KNSTRN: variants seen among roughly 807,000 people sequenced by gnomAD.
KNSTRN encodes kinetochore localized astrin (SPAG5) binding protein, also known as small kinetochore-associated protein.
KNSTRN carries 38 observed loss-of-function variants against 44.7 expected under a neutral mutation model. The observed-to-expected ratio is 0.85, with a 90% CI of 0.66 to 1.11. The LOEUF is 1.11. Ranked by LOEUF, KNSTRN falls within the 50% of genes most tolerant of loss-of-function variation. The probability of loss-of-function intolerance (pLI) is 0.00; values close to 1 mark genes in which losing one functional copy is unlikely to be tolerated. For missense variants in KNSTRN, 406 were observed against 375.8 expected, an observed-to-expected ratio of 1.08 and a Z score of -0.66; for synonymous variants, 158 against 148.1, an observed-to-expected ratio of 1.07 and a Z score of -0.48.
At chr15:40,391,653 C>A in intron 7 of KNSTRN, 99 bp downstream of exon 7, 1 of 997,672 alleles carries the variant, frequency 1.0e-6, no homozygotes, top group Non-Finnish European at 1.5e-6. Flanking sequence ...CTCCAAGAAA[C>A]AGCCTTTGAT....
Position 40,387,155 on chromosome 15 carries a change from C to T in KNSTRN, c.438-4C>T. On this transcript the variant is annotated splice_polypyrimidine_tract_variant and splice_region_variant and intron_variant, in intron 3 of 8. Coordinates refer to ENST00000249776, the MANE Select transcript of KNSTRN (RefSeq NM_033286.4). Reference sequence around the variant, plus strand: ...GATTCATTTCTTTGTTTCTGCCCTCCTAGGCAAATGAAAGCTACTGACACT... The same window carrying T: ...GATTCATTTCTTTGTTTCTGCCCTCTTAGGCAAATGAAAGCTACTGACACT... The T allele has an allele frequency of 6.2e-7, 1 of 1,610,062 alleles. No homozygotes were observed. Among genetic ancestry groups the T allele is most frequent in the Non-Finnish European group, 8.5e-7 (1 of 1,176,458 alleles).
rs368931963 is a variant in KNSTRN at position 40,386,498 on chromosome 15, A to C, written c.437+4A>C. 5.6e-5 allele frequency: 90 copies of C among 1,613,006 alleles called. No homozygotes were observed. The highest frequency in any genetic ancestry group is 6.7e-5 in the Non-Finnish European group (79 of 1,179,676). On this transcript the variant is annotated splice_donor_region_variant and intron_variant, in intron 3 of 8. Coordinates refer to ENST00000249776, the MANE Select transcript of KNSTRN (RefSeq NM_033286.4). ...CCAAACTGAGACGAGAGAATGGGTG[A>C]GAACGGATCATTAGTATCCAGTTAG...
chr15:40,388,921 T>C (rs1468733272), intron 4 of KNSTRN, among the ~76,000 whole-genome samples: 1 of 152,156 alleles, frequency 6.6e-6, no homozygotes, highest in African/African-American at 2.4e-5. Context: ...TATTAGATGA[T>C]AAACTAACAT....
In KNSTRN at chr15:40,383,226, A is replaced by G. The variant is rs1889843977; in HGVS notation, c.210-2A>G. ...GGGTAACATTCATCCTGTACCTTCCAGGGTTCAGCCGTGCCGCCTCGTTAC... is the reference window on the plus strand; with the variant it reads ...GGGTAACATTCATCCTGTACCTTCCGGGGTTCAGCCGTGCCGCCTCGTTAC... On this transcript the variant is annotated splice_acceptor_variant, in intron 1 of 8. Coordinates refer to ENST00000249776, the MANE Select transcript of KNSTRN (RefSeq NM_033286.4). LOFTEE classifies it high-confidence loss of function. 9 of 1,613,544 alleles carry G rather than the reference A, an allele frequency of 5.6e-6. No homozygotes were observed. Among genetic ancestry groups the G allele is most frequent in the African/African-American group, 1.3e-5 (1 of 75,026 alleles).
chr15:40,387,018 C>T, intron 3 of KNSTRN, 141 bp from the exon 4 acceptor site: 1 of 701,406 alleles, frequency 1.4e-6, no homozygotes, highest in Admixed American at 2.1e-5. Context: ...TGCATAGTCT[C>T]TCAGAGCTCT....
In KNSTRN at chr15:40,383,246, CG is replaced by C; in HGVS notation, c.229del (p.Val77LeufsTer3). 6.2e-7 allele frequency: 1 copy of C among 1,614,070 alleles called. No individual in the cohort carries two copies. Among genetic ancestry groups the C allele is most frequent in the Non-Finnish European group, 8.5e-7 (1 of 1,179,926 alleles). ...CTTCCAGGGTTCAGCCGTGCCGCCT[CG>C]TTACGATGACCAGTGTGGTTAAGAC... The part of the protein sequence containing the change: ...RAPGVQPCRL[V>X]TMTSVVKTVY... On this transcript the variant is annotated frameshift_variant, in exon 2 of 9. Transcript: ENST00000249776. LOFTEE classifies it high-confidence loss of function.
Position 40,393,653 on chromosome 15 carries a change from A to G in KNSTRN, c.*56A>G. 2 of 1,501,796 alleles carry G rather than the reference A, an allele frequency of 1.3e-6. No individual in the cohort carries two copies. Among genetic ancestry groups the G allele is most frequent in the South Asian group, 1.2e-5 (1 of 83,612 alleles). The allele number at this position is 1,501,796 out of a possible 1,614,324, so 93.0% of individuals were successfully genotyped here. A position where few individuals can be genotyped will look rare whatever the true frequency, so the allele number is the denominator to read the frequency against. On this transcript the variant is annotated 3_prime_UTR_variant, in exon 9 of 9. Coordinates refer to ENST00000249776, the MANE Select transcript of KNSTRN (RefSeq NM_033286.4). ...TGGGCATAAAATCTCAGAGGAAGCT[A>G]CTTAGGACATCATCTTGGCCATGAT...
In KNSTRN at chr15:40,392,025, T is replaced by G. The variant is rs756496218; in HGVS notation, c.822+2T>G. 1.2e-6 allele frequency: 2 copies of G among 1,606,554 alleles called. No homozygotes were observed. The highest frequency in any genetic ancestry group is 4.5e-5 in the East Asian group (2 of 44,238). On this transcript the variant is annotated splice_donor_variant, in intron 8 of 8. Coordinates refer to ENST00000249776, the MANE Select transcript of KNSTRN (RefSeq NM_033286.4). LOFTEE classifies it high-confidence loss of function. ...AAAAAGCAGATGGAGGAGTTACAGG[T>G]GAGAGGCAGACATCACCCTGACCAT... is the stretch of plus-strand genomic sequence containing the variant.
intron 6 of KNSTRN, among the ~76,000 whole-genome samples, chr15:40,391,142 A>C (rs984951240): frequency 2.6e-5 from 4 of 152,172 alleles, no homozygotes; most frequent in African/African-American, 9.7e-5. Flanking sequence ...GAAAGTAATA[A>C]TTTTTTAAGG....
At chr15:40,386,565 C>A in intron 3 of KNSTRN, 71 bp downstream of exon 3, 1 of 1,544,450 alleles carries the variant, frequency 6.5e-7, no homozygotes, top group Non-Finnish European at 8.8e-7. Context: ...AATTAGAAAA[C>A]AGAGTTTTGG....
At chr15:40,392,822 G>A (rs940326213) in intron 8 of KNSTRN, among the ~76,000 whole-genome samples, 1 of 126,772 alleles carries the variant, frequency 7.9e-6, no homozygotes, top group Admixed American at 8.1e-5. Context: ...TGTTGGCCAG[G>A]CTGGTTTCGA....
At chr15:40,385,579 C>G (rs1333477059) in intron 2 of KNSTRN, among the ~76,000 whole-genome samples, 34 of 152,168 alleles carry the variant, frequency 2.2e-4, no homozygotes, top group Admixed American at 2.2e-3. Context: ...ATGCCAGATA[C>G]TTTCCTAGGT....
Position 40,393,886 on chromosome 15 carries a change from T to C in KNSTRN, c.*289T>C, listed in dbSNP as rs11541641. The stretch of plus-strand genomic sequence containing the variant: ...TGACCTTCTAGTCAACCACCTGACT[T>C]CAGCACACCATTACAATCGGGAGAC... On this transcript the variant is annotated 3_prime_UTR_variant, in exon 9 of 9. Transcript: ENST00000249776. 33,191 of 228,732 alleles carry C rather than the reference T, an allele frequency of 0.15. 2,648 individuals are homozygous for C. The highest frequency in any genetic ancestry group is 0.19 in the African/African-American group (7,962 of 42,928). 14.2% of individuals were successfully genotyped at this position (228,732 alleles called of 1,614,324 possible). A position where few individuals can be genotyped will look rare whatever the true frequency, so the allele number is the denominator to read the frequency against.
At position 40,389,585 on chromosome 15, in the gene KNSTRN, T is replaced by C. The variant is rs866681580; in HGVS notation, c.565T>C (p.Leu189=). The C allele has an allele frequency of 3.7e-6, 6 of 1,613,928 alleles. No homozygotes were observed. The highest frequency in any genetic ancestry group is 3.3e-4 in the Middle Eastern group (2 of 6,062). The change falls in exon 5 of 9, where the codon TTG becomes CTG. Residue 189 remains leucine (L), a synonymous_variant. Coordinates refer to ENST00000249776, the MANE Select transcript of KNSTRN (RefSeq NM_033286.4). The part of the protein sequence containing the change: ...NQLLEAVNKQ[L]HQKLTETQGE... ...GCTGTTAGAAGCCGTCAACAAGCAG[T>C]TGCACCAGAAGTTGACTGAAACTCA...
intron 3 of KNSTRN, 40 bp from the exon 4 acceptor site, chr15:40,387,119 T>C: frequency 4.0e-6 from 6 of 1,482,534 alleles, no homozygotes; most frequent in Non-Finnish European, 5.7e-6. Context: ...TTAACAGTAC[T>C]GTAAGTCTCT....
rs541009532 is a variant in KNSTRN at position 40,386,502 on chromosome 15, C to A, written c.437+8C>A. On this transcript the variant is annotated splice_region_variant and intron_variant, in intron 3 of 8. Transcript: ENST00000249776. ...ACTGAGACGAGAGAATGGGTGAGAACGGATCATTAGTATCCAGTTAGAACA... is the reference window on the plus strand; with the variant it reads ...ACTGAGACGAGAGAATGGGTGAGAAAGGATCATTAGTATCCAGTTAGAACA... The A allele has an allele frequency of 6.2e-7, 1 of 1,613,096 alleles. No individual in the cohort carries two copies.
chr15:40,393,624 C>T lies in KNSTRN; in HGVS notation c.*27C>T. The T allele has an allele frequency of 6.2e-7, 1 of 1,604,038 alleles. No homozygotes were observed. Among genetic ancestry groups the T allele is most frequent in the East Asian group, 2.2e-5 (1 of 44,762 alleles). On this transcript the variant is annotated 3_prime_UTR_variant, in exon 9 of 9. Coordinates refer to ENST00000249776, the MANE Select transcript of KNSTRN (RefSeq NM_033286.4). Reference sequence around the variant, plus strand: ...AAGAAGCAAGTGGCCAGATGGCTCCCTCTTGGGCATAAAATCTCAGAGGAA... The same window carrying T: ...AAGAAGCAAGTGGCCAGATGGCTCCTTCTTGGGCATAAAATCTCAGAGGAA...
At position 40,391,471 on chromosome 15, in the gene KNSTRN, T is replaced by C. The variant is rs114160409; in HGVS notation, c.686-22T>C. The C allele has an allele frequency of 5.7e-4, 910 of 1,608,368 alleles. 4 individuals are homozygous for C. The African/African-American group carries it at 0.01, about 18-fold the overall frequency. On this transcript the variant is annotated intron_variant, in intron 6 of 8. Coordinates refer to ENST00000249776, the MANE Select transcript of KNSTRN (RefSeq NM_033286.4). Reference sequence around the variant, plus strand: ...AGGGTGTGTAGTTCCCTAAGTGAGATTGACTTTGTTGTATCCATCAGCTTT... The same window carrying C: ...AGGGTGTGTAGTTCCCTAAGTGAGACTGACTTTGTTGTATCCATCAGCTTT...
At position 40,393,906 on chromosome 15, in the gene KNSTRN, G is replaced by A; in HGVS notation, c.*309G>A. The A allele has an allele frequency of 5.2e-6, 1 of 193,408 alleles. No homozygotes were observed. Among genetic ancestry groups the A allele is most frequent in the Non-Finnish European group, 1.1e-5 (1 of 93,850 alleles). The allele number at this position is 193,408 out of a possible 1,614,324, so 12.0% of individuals were successfully genotyped here. A position where few individuals can be genotyped will look rare whatever the true frequency, so the allele number is the denominator to read the frequency against. ...TGACTTCAGCACACCATTACAATCGGGAGACTAAACCAACAACCAGAGGAT... is the reference window on the plus strand; with the variant it reads ...TGACTTCAGCACACCATTACAATCGAGAGACTAAACCAACAACCAGAGGAT... On this transcript the variant is annotated 3_prime_UTR_variant, in exon 9 of 9. Transcript: ENST00000249776.
Sources: allele counts gnomAD v4.1 joint callset (sites outside exome capture counted in the v4.1 genomes callset), GRCh38; gene constraint gnomAD v4.1.1; transcripts MANE v1.5; gene names NCBI Gene and HGNC (gene_info 2026-07-23, HGNC 2026-07-21).